Variants in MDN1 observed in about 807,000 individuals in gnomAD.
The protein encoded by MDN1 is midasin AAA ATPase 1.
A neutral mutation model predicts 669.2 loss-of-function variants in MDN1; 266 were observed. The observed-to-expected ratio is 0.40, with a 90% CI of 0.36 to 0.44. The LOEUF is 0.44. Ranked by LOEUF, MDN1 falls within the 20% of genes least tolerant of loss-of-function variation. MDN1 has a pLI of 1.00. For missense variants in MDN1, 5,940 were observed against 6,754.0 expected (o/e 0.88, Z 4.22); for synonymous variants, 2,385 against 2,457.1 (o/e 0.97, Z 0.87).
chr6:89,741,270 C>T (rs907902486), intron 31 of MDN1, among the ~76,000 whole-genome samples: 8 of 152,022 alleles, frequency 5.3e-5, no homozygotes, highest in Non-Finnish European at 1.2e-4. Context: ...GTGATGGTTG[C>T]AAAGCTTGAA....
intron 57 of MDN1, 78 bp from the exon 58 acceptor site, chr6:89,699,805 G>A (rs1482047910): frequency 6.9e-7 from 1 of 1,458,048 alleles, no homozygotes; most frequent in Admixed American, 2.0e-5. Flanking sequence ...ATTAGGGAAG[G>A]TGTAACATAA....
In MDN1 at chr6:89,788,014, TCAAAA is replaced by T. The variant is rs1819056647; in HGVS notation, c.1231-62_1231-58del. The T allele has an allele frequency of 7.0e-6, 10 of 1,438,182 alleles. No individual in the cohort carries two copies. In the South Asian group the frequency reaches 7.2e-5, roughly 10 times the overall value. The allele number at this position is 1,438,182 out of a possible 1,614,324, so 89.1% of individuals were successfully genotyped here. The stretch of plus-strand genomic sequence containing the variant: ...AGTAAAGCTATTAAGACAGAAATAA[TCAAAA>T]CAAAACAACCCTCTCTCAAAATGAC... On this transcript the variant is annotated intron_variant, in intron 7 of 101. Transcript: ENST00000369393.
At position 89,692,912 on chromosome 6, in the gene MDN1, G is replaced by T. The variant is rs1466731032; in HGVS notation, c.10118C>A (p.Ala3373Asp). The change falls in exon 63 of 102, where the codon GCC (alanine) becomes GAC (aspartate). Residue 3373 changes from alanine (A) to aspartate (D), a missense_variant. Ala to Asp is a moderately radical substitution (Grantham distance 126). This residue lies in a region of MDN1 where 150 missense variants were observed against 234.2 expected (regional missense o/e 0.64). Transcript: ENST00000369393. ...QVAQSLLKEE[A>D]SWQQSHHQFR... ...CTGGTGGTGTGACTGCTGCCAAGAGGCCTCCTCCTTTAGAAGGCTCTGGGC... is the reference window on the plus strand; with the variant it reads ...CTGGTGGTGTGACTGCTGCCAAGAGTCCTCCTCCTTTAGAAGGCTCTGGGC... 3 of 1,614,200 alleles carry T rather than the reference G, an allele frequency of 1.9e-6. No individual in the cohort carries two copies. Among genetic ancestry groups the T allele is most frequent in the South Asian group, 2.2e-5 (2 of 91,086 alleles).
At chr6:89,786,664 C>T (rs1442066822) in intron 8 of MDN1, among the ~76,000 whole-genome samples, 1 of 151,890 alleles carries the variant, frequency 6.6e-6, no homozygotes, top group Non-Finnish European at 1.5e-5. Context: ...CACGGTGGCT[C>T]ACGCCTGTAA....
At position 89,671,003 on chromosome 6, in the gene MDN1, G is replaced by A; in HGVS notation, c.13872C>T (p.Phe4624=). The A allele has an allele frequency of 6.2e-7, 1 of 1,614,176 alleles. No individual in the cohort carries two copies. The highest frequency in any genetic ancestry group is 8.5e-7 in the Non-Finnish European group (1 of 1,180,028). Residue 4624 remains phenylalanine (F), a synonymous_variant, in exon 83 of 102, where the codon TTC becomes TTT. Transcript: ENST00000369393. ...GGTGAGTTGCTAAAGACATGGTCAG[G>A]AAGAAGAGGACGAGGTCTGAGTAGC... ...LSSYSDLVLF[F]LTMSLATHRS... is the part of the protein sequence containing the mutation.
At chr6:89,784,537 A>T (rs1320262348) in intron 9 of MDN1, among the ~76,000 whole-genome samples, 1 of 152,170 alleles carries the variant, frequency 6.6e-6, no homozygotes, top group African/African-American at 2.4e-5. Context: ...AGTGTAATAT[A>T]CTTCTTACTG....
chr6:89,726,482 G>GAAAAAAAAA (rs201576721), intron 37 of MDN1, among the ~76,000 whole-genome samples: 1 of 90,954 alleles, frequency 1.1e-5, no homozygotes, highest in South Asian at 4.0e-4. Flanking sequence ...AAGAAAAATA[G>GAAAAAAAAA]AAAAAAAAAA....
intron 2 of MDN1, among the ~76,000 whole-genome samples, chr6:89,798,181 C>CAAAAAAAA (rs10706907): frequency 2.2e-4 from 16 of 71,494 alleles, no homozygotes; most frequent in Non-Finnish European, 2.9e-4. Flanking sequence ...GACTCTGTCT[C>CAAAAAAAA]AAAAAAAAAA....
intron 97 of MDN1, among the ~76,000 whole-genome samples, chr6:89,649,540 C>T (rs1808708599): frequency 6.6e-6 from 1 of 152,190 alleles, no homozygotes; most frequent in African/African-American, 2.4e-5. Context: ...GGCTCCTAAA[C>T]TTAATATTAG....
chr6:89,674,771 C>G (rs1353280773), intron 78 of MDN1, among the ~76,000 whole-genome samples, 182 bp from the exon 79 acceptor site: 1 of 152,174 alleles, frequency 6.6e-6, no homozygotes, highest in African/African-American at 2.4e-5. Context: ...TTAAACCCAT[C>G]CCTCAGTCTT....
intron 91 of MDN1, among the ~76,000 whole-genome samples, chr6:89,656,397 T>C (rs749375845): frequency 1.8e-4 from 27 of 152,152 alleles, no homozygotes; most frequent in Non-Finnish European, 3.4e-4. Context: ...CAAAAGCCTA[T>C]GGACAATGAA....
intron 17 of MDN1, among the ~76,000 whole-genome samples, chr6:89,759,495 G>C (rs1185059223): frequency 2.6e-5 from 4 of 152,186 alleles, no homozygotes; most frequent in Non-Finnish European, 5.9e-5. Context: ...TGGGTGTGGT[G>C]GCTCATGTCT....
chr6:89,803,157 C>A (rs1767774049), intron 2 of MDN1, among the ~76,000 whole-genome samples, 171 bp downstream of exon 2: 1 of 152,220 alleles, frequency 6.6e-6, no homozygotes, highest in Non-Finnish European at 1.5e-5. Context: ...GCTCACTGAA[C>A]TGAGCTGGAT....
intron 43 of MDN1, among the ~76,000 whole-genome samples, chr6:89,717,535 G>A (rs1814462921): frequency 6.6e-6 from 1 of 152,128 alleles, no homozygotes. Context: ...TCAGTATAGT[G>A]TTTATAATAG....
At chr6:89,693,887 C>T (rs1010922) in intron 62 of MDN1, among the ~76,000 whole-genome samples, 187 bp downstream of exon 62, 127,816 of 152,194 alleles carry the variant, frequency 0.84, 53,881 homozygotes, top group East Asian at 1. Context: ...GAACACACAC[C>T]TTGAATAGCC....
chr6:89,783,340 C>T (rs552377077), intron 9 of MDN1, among the ~76,000 whole-genome samples: 39 of 152,104 alleles, frequency 2.6e-4, no homozygotes, highest in Non-Finnish European at 5.0e-4. Flanking sequence ...AGATAAGGAC[C>T]GAGATACACC....
intron 19 of MDN1, 88 bp from the exon 20 acceptor site, chr6:89,756,478 CAGCTCATTTT>C (rs1365985845): frequency 1.5e-6 from 1 of 646,062 alleles, no homozygotes; most frequent in Non-Finnish European, 2.6e-6. Context: ...GAAGCTATGT[CAGCTCATTTT>C]AACTGCTTGT....
At position 89,648,029 on chromosome 6, in the gene MDN1, T is replaced by A; in HGVS notation, c.16395+3A>T. ...CAGAAGACATTTTATTTCATCCTCT[T>A]ACCTGAGCAATCTTGGTTTTCTTTT... On this transcript the variant is annotated splice_donor_region_variant and intron_variant, in intron 99 of 101. Coordinates refer to ENST00000369393, the MANE Select transcript of MDN1 (RefSeq NM_014611.3). The A allele has an allele frequency of 6.2e-7, 1 of 1,604,280 alleles. No homozygotes were observed. Among genetic ancestry groups the A allele is most frequent in the Non-Finnish European group, 8.5e-7 (1 of 1,170,962 alleles).
intron 1 of MDN1, among the ~76,000 whole-genome samples, chr6:89,815,705 A>G (rs1452631964): frequency 6.6e-6 from 1 of 152,122 alleles, no homozygotes; most frequent in African/African-American, 2.4e-5. Flanking sequence ...TGAGCCTGGT[A>G]TTTGCTTCAT....
Sources: gnomAD v4.1 joint callset for allele counts (sites outside exome capture counted in the v4.1 genomes callset) on GRCh38, gnomAD v4.1.1 for gene constraint, gnomAD v4.1.1 regional missense constraint, MANE v1.5 for transcripts, NCBI Gene and HGNC (gene_info 2026-07-23, HGNC 2026-07-21) for gene names.